The following PABPC4L variants were observed in gnomAD, a reference collection of about 807,000 sequenced individuals.
PABPC4L encodes the protein polyadenylate-binding protein 4-like.
For synonymous variants in PABPC4L, 169 were observed against 164.1 expected (o/e 1.03, Z -0.23); for missense variants, 452 against 451.4 (o/e 1.00, Z -0.01).
the PABPC4L span, among the ~76,000 whole-genome samples, chr4:134,078,285 G>A: frequency 6.6e-6 from 1 of 152,120 alleles, no homozygotes; most frequent in Non-Finnish European, 1.5e-5. Context: ...ATGGAATAAT[G>A]AGCACCAAAA....
At chr4:134,121,722 G>A in the PABPC4L span, among the ~76,000 whole-genome samples, 1 of 151,656 alleles carries the variant, frequency 6.6e-6, no homozygotes, top group Admixed American at 6.6e-5. Context: ...TCCTGCACAA[G>A]TTAGAATTCA....
At chr4:134,068,458 G>A in the PABPC4L span, among the ~76,000 whole-genome samples, 2 of 152,080 alleles carry the variant, frequency 1.3e-5, no homozygotes, top group African/African-American at 2.4e-5. Context: ...GCTATTGGAT[G>A]TTGCTTCTTT....
At chr4:134,134,468 CT>C in the PABPC4L span, among the ~76,000 whole-genome samples, 1 of 151,740 alleles carries the variant, frequency 6.6e-6, no homozygotes, top group African/African-American at 2.4e-5. Flanking sequence ...CTAATAAGGA[CT>C]TTTTACTAAA....
the PABPC4L span, among the ~76,000 whole-genome samples, chr4:134,091,956 T>C: frequency 6.6e-6 from 1 of 152,070 alleles, no homozygotes; most frequent in Admixed American, 6.6e-5. Flanking sequence ...TCTGGCTTTA[T>C]TTTTTGGGTA....
chr4:134,096,322 G>A, the PABPC4L span, among the ~76,000 whole-genome samples: 2 of 151,882 alleles, frequency 1.3e-5, no homozygotes, highest in African/African-American at 4.8e-5. Flanking sequence ...GTTTTATATG[G>A]AAGTATGAAA....
the PABPC4L span, among the ~76,000 whole-genome samples, chr4:134,076,003 T>C: frequency 6.7e-6 from 1 of 150,030 alleles, no homozygotes; most frequent in Admixed American, 6.6e-5. Flanking sequence ...TCATTTCTTA[T>C]AATAGGAACT....
chr4:134,075,785 A>C, the PABPC4L span, among the ~76,000 whole-genome samples: 4 of 152,034 alleles, frequency 2.6e-5, no homozygotes. Context: ...TGACCATGTA[A>C]AATTTTATGT....
chr4:134,122,401 T>G, the PABPC4L span, among the ~76,000 whole-genome samples: 2 of 151,932 alleles, frequency 1.3e-5, no homozygotes, highest in Admixed American at 6.6e-5. Context: ...AATATGCTTA[T>G]TAATCATTAT....
At chr4:134,066,374 AT>A in the PABPC4L span, among the ~76,000 whole-genome samples, 2 of 152,000 alleles carry the variant, frequency 1.3e-5, no homozygotes, top group African/African-American at 2.4e-5. Context: ...AATGCTACTG[AT>A]TTTTTTAGAT....
the PABPC4L span, among the ~76,000 whole-genome samples, chr4:134,191,144 T>C: frequency 1.3e-5 from 2 of 152,178 alleles, no homozygotes; most frequent in Admixed American, 6.5e-5. Flanking sequence ...ATTGGGTATA[T>C]AGTTGAAAAT....
At chr4:134,026,942 C>T in the PABPC4L span, among the ~76,000 whole-genome samples, 2 of 151,888 alleles carry the variant, frequency 1.3e-5, no homozygotes, top group African/African-American at 2.4e-5. Context: ...TGTCTTCATA[C>T]CTTGATCTAG....
At chr4:134,134,428 G>C in the PABPC4L span, among the ~76,000 whole-genome samples, 2 of 151,830 alleles carry the variant, frequency 1.3e-5, no homozygotes, top group Admixed American at 1.3e-4. Flanking sequence ...CAATATAACA[G>C]ACATCAGATA....
chr4:134,051,052 C>T, the PABPC4L span, among the ~76,000 whole-genome samples: 1 of 151,870 alleles, frequency 6.6e-6, no homozygotes, highest in Non-Finnish European at 1.5e-5. Flanking sequence ...AAAATTAAGT[C>T]TCTAATTATT....
At chr4:134,132,737 A>G in the PABPC4L span, among the ~76,000 whole-genome samples, 15 of 151,688 alleles carry the variant, frequency 9.9e-5, no homozygotes, top group Admixed American at 1.3e-4. Flanking sequence ...ATAAGTCATT[A>G]TACCAAAAAG....
the PABPC4L span, among the ~76,000 whole-genome samples, chr4:133,995,500 T>G: frequency 6.6e-6 from 1 of 152,318 alleles, no homozygotes; most frequent in African/African-American, 2.4e-5. Flanking sequence ...CAATAAGATA[T>G]CAGCGGCCTG....
the PABPC4L span, among the ~76,000 whole-genome samples, chr4:134,033,294 A>G: frequency 6.6e-6 from 1 of 151,918 alleles, no homozygotes; most frequent in Non-Finnish European, 1.5e-5. Context: ...AGCTCCACAG[A>G]CCAGTCATTC....
At chr4:134,103,648 G>A in the PABPC4L span, among the ~76,000 whole-genome samples, 1 of 151,736 alleles carries the variant, frequency 6.6e-6, no homozygotes, top group African/African-American at 2.4e-5. Flanking sequence ...ATTTCAACTT[G>A]TGAATTTTGG....
chr4:134,114,395 T>C, the PABPC4L span, among the ~76,000 whole-genome samples: 2 of 151,606 alleles, frequency 1.3e-5, no homozygotes, highest in Non-Finnish European at 2.9e-5. Context: ...GGTCAGCCCA[T>C]AAAAGGGAAG....
At chr4:134,163,577 T>G in the PABPC4L span, among the ~76,000 whole-genome samples, 1 of 152,226 alleles carries the variant, frequency 6.6e-6, no homozygotes, top group African/African-American at 2.4e-5. Context: ...ATATCCCTGA[T>G]GAACATAGAT....
Sources: allele counts gnomAD v4.1 joint callset (sites outside exome capture counted in the v4.1 genomes callset), GRCh38; gene constraint gnomAD v4.1.1; transcripts MANE v1.5; gene names NCBI Gene and HGNC (gene_info 2026-07-23, HGNC 2026-07-21).